PCNX2: variants seen among roughly 807,000 people sequenced by gnomAD.
PCNX2 encodes pecanex 2, also known as pecanex-like protein 2.
Under a neutral mutation model 223.8 loss-of-function variants are expected in PCNX2, and 168 were observed. The ratio of observed to expected loss-of-function variants is 0.75; its 90% CI spans 0.66 to 0.85. PCNX2 has a LOEUF of 0.85. Ranked by LOEUF, PCNX2 falls within the 40% of genes least tolerant of loss-of-function variation. The probability of loss-of-function intolerance (pLI) is 0.00; values close to 1 mark genes in which losing one functional copy is unlikely to be tolerated. For synonymous variants in PCNX2, 1,006 were observed against 1,052.6 expected (o/e 0.96, Z 0.86); for missense variants, 2,507 against 2,675.5 (o/e 0.94, Z 1.39).
chr1:233,157,739 G>T (rs1217917537), intron 19 of PCNX2, among the ~76,000 whole-genome samples: 2 of 152,170 alleles, frequency 1.3e-5, no homozygotes, highest in Non-Finnish European at 2.9e-5. Context: ...GGACACAGAT[G>T]GCACCAGAAT....
chr1:233,174,521 A>G (rs1481658446), intron 17 of PCNX2, among the ~76,000 whole-genome samples: 1 of 151,874 alleles, frequency 6.6e-6, no homozygotes, highest in African/African-American at 2.4e-5. Flanking sequence ...CAACTCTCAA[A>G]GGAAGCTTAA....
In PCNX2 at chr1:233,032,946, C is replaced by T. The variant is rs182815128; in HGVS notation, c.4352-7547G>A. On this transcript the variant is annotated intron_variant, in intron 25 of 33. Coordinates refer to ENST00000258229, the MANE Select transcript of PCNX2 (RefSeq NM_014801.4). ...AAAAGAATATGAAAATAATAAAACC[C>T]AGTAATTTTGGAAAATGCACTAATT... 1.5e-4 allele frequency: 146 copies of T among 964,666 alleles called. 1 individual carries two copies. In the African/African-American group the frequency reaches 2.5e-3, roughly 16 times the overall value. The allele number at this position is 964,666 out of a possible 1,614,324, so 59.8% of individuals were successfully genotyped here. A position where few individuals can be genotyped will look rare whatever the true frequency, so the allele number is the denominator to read the frequency against.
At chr1:232,998,518 A>C in intron 31 of PCNX2, 80 bp from the exon 32 acceptor site, 1 of 1,506,988 alleles carries the variant, frequency 6.6e-7, no homozygotes, top group South Asian at 1.2e-5. Flanking sequence ...GGCCTTGCCT[A>C]AATCGGGATC....
intron 19 of PCNX2, among the ~76,000 whole-genome samples, chr1:233,153,264 G>A (rs1354159210): frequency 6.6e-6 from 1 of 152,160 alleles, no homozygotes; most frequent in Non-Finnish European, 1.5e-5. Flanking sequence ...GGGCGACTGA[G>A]GACAAGCTTC....
chr1:233,199,648 A>G (rs1680941596), intron 14 of PCNX2, among the ~76,000 whole-genome samples: 1 of 152,170 alleles, frequency 6.6e-6, no homozygotes, highest in Non-Finnish European at 1.5e-5. Context: ...GTCTGAATCT[A>G]AAGTATGACA....
At chr1:233,299,031 A>G (rs1239261780), upstream of PCNX2, among the ~76,000 whole-genome samples, 1 of 152,048 alleles carries the variant, frequency 6.6e-6, no homozygotes, top group Admixed American at 6.6e-5. Context: ...CTGAATTTCG[A>G]TTTAAATCCA....
At chr1:233,084,946 A>T (rs1673527434) in intron 23 of PCNX2, among the ~76,000 whole-genome samples, 1 of 152,230 alleles carries the variant, frequency 6.6e-6, no homozygotes, top group South Asian at 2.1e-4. Flanking sequence ...AGACCACCTC[A>T]GTCTAGCAGT....
chr1:233,194,783 G>A (rs562459572), intron 15 of PCNX2, among the ~76,000 whole-genome samples: 9 of 152,158 alleles, frequency 5.9e-5, no homozygotes, highest in South Asian at 2.1e-4. Context: ...TTGGGAGGCC[G>A]AGGCAGGCGG....
At chr1:233,212,668 C>T (rs1681883919) in intron 12 of PCNX2, among the ~76,000 whole-genome samples, 2 of 152,222 alleles carry the variant, frequency 1.3e-5, no homozygotes, top group South Asian at 4.1e-4. Context: ...CCCTCAAAGG[C>T]AGTGAAAGAG....
At chr1:233,029,833 G>C (rs905311122) in intron 25 of PCNX2, among the ~76,000 whole-genome samples, 1 of 152,058 alleles carries the variant, frequency 6.6e-6, no homozygotes, top group Non-Finnish European at 1.5e-5. Flanking sequence ...CTCTTGGTAA[G>C]ATGACGATTA....
chr1:233,315,573 G>A, the PCNX2 span, among the ~76,000 whole-genome samples: 1 of 152,100 alleles, frequency 6.6e-6, no homozygotes, highest in Non-Finnish European at 1.5e-5. Context: ...AATGAATGTC[G>A]CAGTCCACTT....
intron 25 of PCNX2, among the ~76,000 whole-genome samples, chr1:233,050,318 G>A (rs1368109609): frequency 6.7e-6 from 1 of 149,858 alleles, no homozygotes; most frequent in African/African-American, 2.5e-5. Flanking sequence ...CACAGAGCTA[G>A]AAAAAAACTA....
chr1:233,204,266 A>T (rs749405238), intron 13 of PCNX2, among the ~76,000 whole-genome samples: 1 of 152,170 alleles, frequency 6.6e-6, no homozygotes, highest in Admixed American at 6.5e-5. Flanking sequence ...CAAGCCAAGG[A>T]GAACGGCCTG....
intron 1 of PCNX2, chr1:233,293,907 G>A (rs1471485807): frequency 1.0e-6 from 1 of 954,222 alleles, no homozygotes; most frequent in African/African-American, 1.8e-5. Flanking sequence ...GTCCCTCTAG[G>A]AAAAGAGAAA....
chr1:233,108,525 A>C (rs1330434350), intron 21 of PCNX2, among the ~76,000 whole-genome samples: 1 of 152,232 alleles, frequency 6.6e-6, no homozygotes, highest in Non-Finnish European at 1.5e-5. Context: ...CAGGGTGTTC[A>C]CAGAAAAGAC....
chr1:233,207,216 T>G (rs1238676264), intron 13 of PCNX2, among the ~76,000 whole-genome samples: 1 of 152,030 alleles, frequency 6.6e-6, no homozygotes, highest in African/African-American at 2.4e-5. Flanking sequence ...GGTTTTCACC[T>G]ATAAGGAGCA....
At chr1:233,047,058 G>C (rs750531659) in intron 25 of PCNX2, among the ~76,000 whole-genome samples, 30 of 152,220 alleles carry the variant, frequency 2.0e-4, no homozygotes, top group Non-Finnish European at 2.4e-4. Flanking sequence ...GAGACTGAGT[G>C]GTACCATGGA....
At chr1:233,212,762 CT>C (rs1464006426) in intron 12 of PCNX2, among the ~76,000 whole-genome samples, 3 of 152,190 alleles carry the variant, frequency 2.0e-5, no homozygotes, top group African/African-American at 4.8e-5. Flanking sequence ...GTTTTAACTA[CT>C]ACTGTTTTGA....
intron 19 of PCNX2, among the ~76,000 whole-genome samples, chr1:233,140,620 G>T (rs1347471003): frequency 6.6e-6 from 1 of 152,200 alleles, no homozygotes; most frequent in East Asian, 1.9e-4. Flanking sequence ...AGGAGATGGG[G>T]TAATGAGGAA....
Sources: allele counts gnomAD v4.1 joint callset (sites outside exome capture counted in the v4.1 genomes callset), GRCh38; gene constraint gnomAD v4.1.1; transcripts MANE v1.5; gene names NCBI Gene and HGNC (gene_info 2026-07-23, HGNC 2026-07-21).